Variants in AFG1L observed in about 807,000 individuals in gnomAD.
AFG1L encodes the protein AFG1-like ATPase.
In AFG1L, 53 loss-of-function variants were observed where a neutral mutation model predicts 62.2. The ratio of observed to expected loss-of-function variants is 0.85; its 90% CI spans 0.68 to 1.07. The LOEUF (loss-of-function observed/expected upper bound fraction) is 1.07. Ranked by LOEUF, AFG1L falls within the 50% of genes least tolerant of loss-of-function variation. The pLI, the probability that AFG1L is intolerant of heterozygous loss-of-function variation, is 0.00. For synonymous variants in AFG1L, 228 were observed against 210.3 expected, an observed-to-expected ratio of 1.08 and a Z score of -0.73; for missense variants, 555 against 590.5, an observed-to-expected ratio of 0.94 and a Z score of 0.62.
intron 10 of AFG1L, among the ~76,000 whole-genome samples, chr6:108,482,827 C>G (rs571957599): frequency 1.1e-4 from 16 of 152,034 alleles, no homozygotes; most frequent in African/African-American, 3.6e-4. Flanking sequence ...AGGATTCATA[C>G]TGTCAACATG....
At chr6:108,312,699 A>C (rs1346061357) in intron 1 of AFG1L, among the ~76,000 whole-genome samples, 1 of 152,190 alleles carries the variant, frequency 6.6e-6, no homozygotes, top group Non-Finnish European at 1.5e-5. Flanking sequence ...GTGTCAATAC[A>C]ATTAAGCTTT....
intron 10 of AFG1L, among the ~76,000 whole-genome samples, chr6:108,494,895 T>C (rs537208060): frequency 1.1e-3 from 172 of 151,730 alleles, no homozygotes; most frequent in Middle Eastern, 6.8e-3. Context: ...CTCAGCCTCC[T>C]GAGTAGCTAG....
intron 7 of AFG1L, among the ~76,000 whole-genome samples, chr6:108,408,538 C>T (rs569658886): frequency 6.6e-6 from 1 of 152,322 alleles, no homozygotes; most frequent in African/African-American, 2.4e-5. Flanking sequence ...ACTGTCTCTT[C>T]AACTCATTTA....
At chr6:108,344,666 A>G (rs1187469458) in intron 2 of AFG1L, 1 of 467,028 alleles carries the variant, frequency 2.1e-6, no homozygotes, top group Non-Finnish European at 4.4e-6. Flanking sequence ...TTCTCTGCCA[A>G]ATTATTGACC....
chr6:108,295,142 G>T lies in AFG1L; in HGVS notation c.63G>T (p.Gly21=). The change falls in exon 1 of 13, where the codon GGG becomes GGT. Residue 21 remains glycine (G), a synonymous_variant. Transcript: ENST00000368977. The stretch of plus-strand genomic sequence containing the variant: ...CCTTAGCACAGAGCCCGCTGAGAGG[G>T]AGATGTGTTGGGTGCGGGGCCTGGG... ...LRPLAQSPLR[G]RCVGCGAWAA... 1 of 1,610,848 alleles carries T rather than the reference G, an allele frequency of 6.2e-7. No individual in the cohort carries two copies.
rs1038998267 is a variant in AFG1L, at chr6:108,510,306, A to G, written c.1157A>G (p.Gln386Arg). The change falls in exon 11 of 13, where the codon CAA (glutamine) becomes CGA (arginine). Residue 386 changes from glutamine (Q) to arginine (R), a missense_variant. Gln to Arg is a conservative substitution (Grantham distance 43). Transcript: ENST00000368977. ...CAATTTACTCTGGCAAACAGGACTC[A>G]AGGTCGAAGATTCATAACTCTCATC... ...IPQFTLANRTQGRRFITLIDN... is the reference protein window; with the variant it reads ...IPQFTLANRTRGRRFITLIDN... The G allele has an allele frequency of 6.2e-7, 1 of 1,612,598 alleles. No individual in the cohort carries two copies. Among genetic ancestry groups the G allele is most frequent in the East Asian group, 2.2e-5 (1 of 44,830 alleles).
intron 6 of AFG1L, among the ~76,000 whole-genome samples, chr6:108,384,799 A>T (rs1029552843): frequency 1.3e-5 from 2 of 152,154 alleles, no homozygotes; most frequent in Non-Finnish European, 2.9e-5. Context: ...ATAATATCTT[A>T]TATAAAAATT....
intron 12 of AFG1L, chr6:108,520,667 G>A (rs543084562): frequency 6.6e-6 from 1 of 152,176 alleles, no homozygotes. Flanking sequence ...GGGAGAACGA[G>A]GCCAATTTAA....
intron 7 of AFG1L, among the ~76,000 whole-genome samples, chr6:108,414,501 A>G (rs1248901033): frequency 6.6e-6 from 1 of 152,226 alleles, no homozygotes; most frequent in Non-Finnish European, 1.5e-5. Flanking sequence ...TCCCTGATGA[A>G]GATCGATGCA....
Position 108,473,092 on chromosome 6 carries a change from C to T in AFG1L, c.891-3773C>T, listed in dbSNP as rs147129607. Reference sequence around the variant, plus strand: ...GCCAGGATTCTAGGCATGCGTCCCACGCCTGGATTACACCAATAAAATTTT... The same window carrying T: ...GCCAGGATTCTAGGCATGCGTCCCATGCCTGGATTACACCAATAAAATTTT... On this transcript the variant is annotated intron_variant, in intron 8 of 12. Transcript: ENST00000368977. 3.4e-3 allele frequency among the ~76,000 whole-genome samples: 521 copies of T among 152,156 alleles called. 1 individual carries two copies. The highest frequency in any genetic ancestry group is 5.5e-3 in the Non-Finnish European group (377 of 68,014).
chr6:108,455,371 A>G (rs1772215751), intron 8 of AFG1L, among the ~76,000 whole-genome samples: 1 of 152,214 alleles, frequency 6.6e-6, no homozygotes, highest in African/African-American at 2.4e-5. Context: ...ATTTTTAAAA[A>G]GATAGCCTTC....
chr6:108,393,342 A>G (rs1781141678), intron 6 of AFG1L, among the ~76,000 whole-genome samples: 1 of 152,134 alleles, frequency 6.6e-6, no homozygotes, highest in South Asian at 2.1e-4. Flanking sequence ...AAACTCTTCA[A>G]TTTAATGCGT....
intron 1 of AFG1L, among the ~76,000 whole-genome samples, chr6:108,323,029 G>T (rs1562473998): frequency 1.3e-5 from 2 of 152,238 alleles, no homozygotes; most frequent in Admixed American, 6.5e-5. Context: ...AACAGAAAAA[G>T]ATCTCAGAAG....
intron 7 of AFG1L, among the ~76,000 whole-genome samples, chr6:108,422,498 A>AAAAAAAAAAAAAAAAAAAAAAAAAAT (rs1562151431): frequency 6.7e-6 from 1 of 148,680 alleles, no homozygotes; most frequent in African/African-American, 2.5e-5. Context: ...AAAAAAAAAA[A>AAAAAAAAAAAAAAAAAAAAAAAAAAT]AGAAGAAGAA....
At chr6:108,408,368 G>A (rs1053876342) in intron 7 of AFG1L, among the ~76,000 whole-genome samples, 2 of 152,148 alleles carry the variant, frequency 1.3e-5, no homozygotes, top group African/African-American at 4.8e-5. Flanking sequence ...CCCAGATTAT[G>A]TGTATTGTTC....
intron 7 of AFG1L, among the ~76,000 whole-genome samples, chr6:108,433,723 G>C (rs529557111): frequency 6.6e-6 from 1 of 152,150 alleles, no homozygotes; most frequent in Admixed American, 6.5e-5. Context: ...TTTCTGAGTA[G>C]CTGGGATTAC....
At chr6:108,303,077 TA>T (rs1283499539) in intron 1 of AFG1L, among the ~76,000 whole-genome samples, 2 of 152,072 alleles carry the variant, frequency 1.3e-5, no homozygotes, top group African/African-American at 4.8e-5. Context: ...CACACCTGGC[TA>T]ATTTTTGTAT....
chr6:108,492,574 C>T (rs972303036), intron 10 of AFG1L, among the ~76,000 whole-genome samples: 1 of 152,184 alleles, frequency 6.6e-6, no homozygotes, highest in Non-Finnish European at 1.5e-5. Context: ...ATGTCTGAGG[C>T]ATTCATGATA....
chr6:108,348,507 A>C (rs1335956016), intron 3 of AFG1L, among the ~76,000 whole-genome samples: 1 of 152,222 alleles, frequency 6.6e-6, no homozygotes, highest in Non-Finnish European at 1.5e-5. Flanking sequence ...TAATCTAATA[A>C]GAGAGAATAA....
Sources: allele counts gnomAD v4.1 joint callset (sites outside exome capture counted in the v4.1 genomes callset), GRCh38; gene constraint gnomAD v4.1.1; transcripts MANE v1.5; gene names NCBI Gene and HGNC (gene_info 2026-07-23, HGNC 2026-07-21).